Variants in GRAMD1B observed in about 807,000 individuals in gnomAD.
GRAMD1B encodes the protein protein Aster-B.
A neutral mutation model predicts 99.7 loss-of-function variants in GRAMD1B; 37 were observed. That is an observed-to-expected ratio of 0.37 (90% CI 0.29 to 0.49). The LOEUF (loss-of-function observed/expected upper bound fraction) is 0.49, where lower values mean the gene tolerates loss of function less well. Among genes scored for constraint, GRAMD1B ranks in the 20% least tolerant of loss-of-function variants. The pLI is 0.98. For synonymous variants in GRAMD1B, 427 were observed against 387.6 expected, an observed-to-expected ratio of 1.10 and a Z score of -1.19; for missense variants, 888 against 1,009.2, an observed-to-expected ratio of 0.88 and a Z score of 1.63.
chr11:123,377,930 T>C (rs1002028087), intron 1 of GRAMD1B, among the ~76,000 whole-genome samples: 2 of 152,254 alleles, frequency 1.3e-5, no homozygotes, highest in Non-Finnish European at 2.9e-5. Context: ...TGCCACCTTC[T>C]ATGTGGCTCC....
chr11:123,572,206 C>A (rs1224395412), intron 2 of GRAMD1B, among the ~76,000 whole-genome samples: 1 of 152,192 alleles, frequency 6.6e-6, no homozygotes, highest in Non-Finnish European at 1.5e-5. Context: ...TATACTAACT[C>A]TAAACTCTGG....
intron 1 of GRAMD1B, among the ~76,000 whole-genome samples, chr11:123,475,819 A>T (rs1951239900): frequency 1.3e-5 from 2 of 152,140 alleles, no homozygotes; most frequent in African/African-American, 2.4e-5. Flanking sequence ...GAGTGGAGGG[A>T]GGTGTGCTTT....
chr11:123,471,759 A>G (rs912369807), intron 1 of GRAMD1B, among the ~76,000 whole-genome samples: 1 of 152,200 alleles, frequency 6.6e-6, no homozygotes, highest in Non-Finnish European at 1.5e-5. Context: ...TATAACATCC[A>G]GTGAACCTCA....
intron 1 of GRAMD1B, among the ~76,000 whole-genome samples, chr11:123,467,000 C>T (rs1950711594): frequency 1.3e-5 from 2 of 152,066 alleles, no homozygotes; most frequent in African/African-American, 2.4e-5. Flanking sequence ...TTTCTCAGAA[C>T]CCATTTGAGG....
At chr11:123,377,903 G>A (rs1946744152) in intron 1 of GRAMD1B, among the ~76,000 whole-genome samples, 1 of 152,226 alleles carries the variant, frequency 6.6e-6, no homozygotes, top group South Asian at 2.1e-4. Context: ...GGTCATGTGT[G>A]TGTATGGCAG....
chr11:123,446,124 T>G (rs1384565580), intron 1 of GRAMD1B, among the ~76,000 whole-genome samples: 9 of 152,160 alleles, frequency 5.9e-5, no homozygotes, highest in Non-Finnish European at 1.2e-4. Flanking sequence ...TACTTGGACC[T>G]CACTGGTTCT....
At chr11:123,457,607 C>G (rs1950218107) in intron 1 of GRAMD1B, among the ~76,000 whole-genome samples, 1 of 152,242 alleles carries the variant, frequency 6.6e-6, no homozygotes, top group Admixed American at 6.5e-5. Flanking sequence ...GCAACTTGCT[C>G]TGTGTTCTAC....
chr11:123,513,547 CCTTT>C (rs1449457088), intron 2 of GRAMD1B, among the ~76,000 whole-genome samples: 1 of 134,286 alleles, frequency 7.4e-6, no homozygotes, highest in African/African-American at 3.1e-5. Context: ...TCCTTCCTTT[CCTTT>C]CTTTCCTTCC....
chr11:123,560,096 C>G (rs1376336585), intron 2 of GRAMD1B, among the ~76,000 whole-genome samples: 1 of 147,294 alleles, frequency 6.8e-6, no homozygotes, highest in Non-Finnish European at 1.5e-5. Flanking sequence ...GCGGCTCTGT[C>G]CTCCACGCTG....
At chr11:123,568,410 A>G (rs1175405019) in intron 2 of GRAMD1B, among the ~76,000 whole-genome samples, 2 of 152,208 alleles carry the variant, frequency 1.3e-5, no homozygotes, top group Non-Finnish European at 2.9e-5. Flanking sequence ...TTTGGTCCAA[A>G]TTTTGGGCAG....
At chr11:123,485,358 G>C (rs1773701947) in intron 2 of GRAMD1B, among the ~76,000 whole-genome samples, 1 of 152,070 alleles carries the variant, frequency 6.6e-6, no homozygotes. Flanking sequence ...AACGGTTATA[G>C]TATTCAGAGA....
At chr11:123,539,897 C>A (rs1944335889) in intron 2 of GRAMD1B, among the ~76,000 whole-genome samples, 1 of 152,194 alleles carries the variant, frequency 6.6e-6, no homozygotes, top group Non-Finnish European at 1.5e-5. Flanking sequence ...TCAGTACCTC[C>A]TCCTTGAAGA....
upstream of GRAMD1B, among the ~76,000 whole-genome samples, chr11:123,426,076 C>A (rs1000137782): frequency 6.6e-6 from 1 of 152,128 alleles, no homozygotes; most frequent in Admixed American, 6.6e-5. Flanking sequence ...GTTTAGCATC[C>A]GGTGATCAAA....
intron 1 of GRAMD1B, among the ~76,000 whole-genome samples, chr11:123,475,506 C>T (rs191175407): frequency 2.9e-4 from 44 of 152,288 alleles, no homozygotes; most frequent in Non-Finnish European, 1.5e-4. Context: ...TTATCTGAAG[C>T]TTGAATGTAC....
intron 2 of GRAMD1B, among the ~76,000 whole-genome samples, chr11:123,574,943 A>G (rs1948558997): frequency 6.6e-6 from 1 of 152,218 alleles, no homozygotes; most frequent in East Asian, 1.9e-4. Context: ...GGTGCTTGTC[A>G]TCAGGGAGAA....
At chr11:123,550,848 G>A (rs12226749) in intron 2 of GRAMD1B, among the ~76,000 whole-genome samples, 1 of 152,182 alleles carries the variant, frequency 6.6e-6, no homozygotes, top group Non-Finnish European at 1.5e-5. Flanking sequence ...GGACTCTCTA[G>A]AAATTCCAGG....
intron 1 of GRAMD1B, among the ~76,000 whole-genome samples, chr11:123,434,230 CAA>C (rs33942028): frequency 0.27 from 19,895 of 74,186 alleles, 1,377 homozygotes; most frequent in East Asian, 0.58. Context: ...ACTCCGTTTC[CAA>C]AAAAAAAAAA....
intron 1 of GRAMD1B, among the ~76,000 whole-genome samples, chr11:123,457,414 A>G (rs1483737279): frequency 1.3e-5 from 2 of 152,194 alleles, no homozygotes; most frequent in Non-Finnish European, 2.9e-5. Context: ...CACGTGTTTT[A>G]GAATAGCCAG....
chr11:123,488,029 G>A (rs933440156), intron 2 of GRAMD1B, among the ~76,000 whole-genome samples: 1 of 152,066 alleles, frequency 6.6e-6, no homozygotes. Flanking sequence ...TTTGGAGCCC[G>A]GGAAGTCCAA....
Sources: allele counts gnomAD v4.1 joint callset (sites outside exome capture counted in the v4.1 genomes callset), GRCh38; gene constraint gnomAD v4.1.1; transcripts MANE v1.5; gene names NCBI Gene and HGNC (gene_info 2026-07-23, HGNC 2026-07-21).